Variants in CTNND2 observed in about 807,000 individuals in gnomAD.
CTNND2 encodes the protein catenin delta 2, also known as catenin delta-2.
Under a neutral mutation model 144.4 loss-of-function variants are expected in CTNND2, and 22 were observed. The observed-to-expected ratio is 0.15, with a 90% CI of 0.11 to 0.22. CTNND2 has a LOEUF of 0.22. Ranked by LOEUF, CTNND2 falls within the 10% of genes least tolerant of loss-of-function variation. The pLI is 1.00. For synonymous variants in CTNND2, 751 were observed against 695.6 expected, an observed-to-expected ratio of 1.08 and a Z score of -1.25; for missense variants, 1,353 against 1,618.8, an observed-to-expected ratio of 0.84 and a Z score of 2.82.
At chr5:11,046,297 G>A (rs1745242416) in intron 16 of CTNND2, among the ~76,000 whole-genome samples, 1 of 152,202 alleles carries the variant, frequency 6.6e-6, no homozygotes, top group Admixed American at 6.5e-5. Context: ...ACCATGTGAA[G>A]ATGAAGCAGA....
rs544308052 is a variant in CTNND2 at position 11,862,435 on chromosome 5, T to C, written c.37+41382A>G. Among the ~76,000 whole-genome samples, 7 of 152,268 alleles carry C rather than the reference T, an allele frequency of 4.6e-5. No individual in the cohort carries two copies. In the South Asian group the frequency reaches 1.4e-3, roughly 32 times the overall value. ...ACTAACAACATGACATTTTCTTACT[T>C]TGAAGGCACCATGGTTTTGAAAAAA... On this transcript the variant is annotated intron_variant, in intron 1 of 21. Transcript: ENST00000304623.
intron 10 of CTNND2, among the ~76,000 whole-genome samples, chr5:11,206,402 T>C (rs1201724187): frequency 6.6e-6 from 1 of 152,332 alleles, no homozygotes; most frequent in Middle Eastern, 3.4e-3. Context: ...TCAACTTTAC[T>C]CATTAAGTGC....
At chr5:11,171,565 C>T (rs1261132613) in intron 11 of CTNND2, among the ~76,000 whole-genome samples, 1 of 152,122 alleles carries the variant, frequency 6.6e-6, no homozygotes, top group Non-Finnish European at 1.5e-5. Context: ...TTTGTGAATG[C>T]CTGTTGAGAC....
intron 10 of CTNND2, among the ~76,000 whole-genome samples, chr5:11,214,111 C>G (rs1329110686): frequency 6.6e-6 from 1 of 152,132 alleles, no homozygotes; most frequent in Admixed American, 6.5e-5. Context: ...GCTGTTATTT[C>G]TTTAATAATT....
intron 1 of CTNND2, among the ~76,000 whole-genome samples, chr5:11,837,947 T>G (rs930101402): frequency 6.6e-6 from 1 of 152,126 alleles, no homozygotes; most frequent in African/African-American, 2.4e-5. Context: ...TTTACTTGTC[T>G]CCATCACAGT....
chr5:11,716,299 A>G (rs532924186), intron 2 of CTNND2, among the ~76,000 whole-genome samples: 1 of 152,250 alleles, frequency 6.6e-6, no homozygotes, highest in Non-Finnish European at 1.5e-5. Flanking sequence ...ACTTAATTAA[A>G]TAGTTTAAAT....
chr5:11,317,327 C>T (rs16901481), intron 9 of CTNND2, among the ~76,000 whole-genome samples: 15,398 of 152,164 alleles, frequency 0.1, 1,037 homozygotes, highest in East Asian at 0.23. Flanking sequence ...GTCCTCTCCT[C>T]ACTGATAACA....
chr5:11,307,330 T>C, intron 9 of CTNND2, among the ~76,000 whole-genome samples: 1 of 151,716 alleles, frequency 6.6e-6, no homozygotes. Context: ...TGTGTGTGTG[T>C]GTGTGTGTGT....
At chr5:11,568,071 A>C (rs1301786618) in intron 2 of CTNND2, among the ~76,000 whole-genome samples, 1 of 152,170 alleles carries the variant, frequency 6.6e-6, no homozygotes, top group East Asian at 1.9e-4. Context: ...CTGAGCCCCA[A>C]CTCAATGCCC....
intron 5 of CTNND2, among the ~76,000 whole-genome samples, chr5:11,407,582 C>A (rs756137902): frequency 6.6e-6 from 1 of 152,118 alleles, no homozygotes; most frequent in African/African-American, 2.4e-5. Flanking sequence ...AAGAACTATG[C>A]GATCATGGGG....
At chr5:11,767,222 G>A (rs1457040116) in intron 1 of CTNND2, among the ~76,000 whole-genome samples, 3 of 152,232 alleles carry the variant, frequency 2.0e-5, no homozygotes, top group Non-Finnish European at 2.9e-5. Flanking sequence ...TGAGTAATGT[G>A]CAACCTATGC....
chr5:11,112,013 A>T (rs1159744317), intron 13 of CTNND2, among the ~76,000 whole-genome samples: 1 of 151,166 alleles, frequency 6.6e-6, no homozygotes, highest in African/African-American at 2.4e-5. Context: ...CGCCCAGCTA[A>T]TTTTTTTTTG....
chr5:11,135,533 G>T (rs1424030855), intron 12 of CTNND2, among the ~76,000 whole-genome samples: 1 of 152,146 alleles, frequency 6.6e-6, no homozygotes, highest in African/African-American at 2.4e-5. Flanking sequence ...TTCAGTGATT[G>T]AATGACTTCA....
chr5:11,632,655 T>G (rs1055882861), intron 2 of CTNND2, among the ~76,000 whole-genome samples: 1 of 152,086 alleles, frequency 6.6e-6, no homozygotes, highest in Non-Finnish European at 1.5e-5. Flanking sequence ...TGAAGGAGCC[T>G]AGATGGTAGA....
chr5:11,334,664 T>C (rs979724869), intron 9 of CTNND2, among the ~76,000 whole-genome samples: 1 of 152,164 alleles, frequency 6.6e-6, no homozygotes, highest in Non-Finnish European at 1.5e-5. Context: ...ATTTCAAAGA[T>C]GGGGGAGCCA....
At chr5:11,502,274 T>A (rs1770601028) in intron 3 of CTNND2, among the ~76,000 whole-genome samples, 1 of 152,192 alleles carries the variant, frequency 6.6e-6, no homozygotes, top group Non-Finnish European at 1.5e-5. Flanking sequence ...ATGCAACCAC[T>A]ATGTGCTGTG....
intron 12 of CTNND2, among the ~76,000 whole-genome samples, chr5:11,155,812 C>T (rs1257428160): frequency 2.0e-5 from 3 of 152,138 alleles, no homozygotes; most frequent in Non-Finnish European, 4.4e-5. Flanking sequence ...AATTTCTTGT[C>T]CCCAAATGAA....
intron 1 of CTNND2, among the ~76,000 whole-genome samples, chr5:11,832,548 C>A (rs1002779099): frequency 6.6e-6 from 1 of 152,112 alleles, no homozygotes; most frequent in Admixed American, 6.5e-5. Flanking sequence ...GAAAATAGAA[C>A]ATAAAAAGAT....
chr5:11,322,906 G>A (rs191146166), intron 9 of CTNND2, among the ~76,000 whole-genome samples: 2 of 152,294 alleles, frequency 1.3e-5, no homozygotes, highest in Admixed American at 6.5e-5. Context: ...AGAAACAGAT[G>A]TAAATTTAGA....
Sources: gnomAD v4.1 joint callset for allele counts (sites outside exome capture counted in the v4.1 genomes callset) on GRCh38, gnomAD v4.1.1 for gene constraint, MANE v1.5 for transcripts, NCBI Gene and HGNC (gene_info 2026-07-23, HGNC 2026-07-21) for gene names.